EPB41L2: variants seen among roughly 807,000 people sequenced by gnomAD.
EPB41L2 encodes the protein erythrocyte membrane protein band 4.1 like 2, also known as band 4.1-like protein 2.
A neutral mutation model predicts 113.0 loss-of-function variants in EPB41L2; 43 were observed. The observed-to-expected ratio is 0.38, with a 90% confidence interval of 0.30 to 0.49. EPB41L2 has a LOEUF of 0.49. EPB41L2 is among the 20% of genes least tolerant of loss of function. EPB41L2 has a pLI of 0.95. For missense variants in EPB41L2, 1,147 were observed against 1,223.4 expected (o/e 0.94, Z 0.93); for synonymous variants, 442 against 436.7 (o/e 1.01, Z -0.15).
rs187712415 is a variant in EPB41L2 at position 131,007,043 on chromosome 6, G to C, written c.-14-50544C>G. 2.9e-3 allele frequency among the ~76,000 whole-genome samples: 445 copies of C among 152,248 alleles called. 2 individuals carry two copies. The highest frequency in any genetic ancestry group is 0.017 in the Middle Eastern group (5 of 294). On this transcript the variant is annotated intron_variant, in intron 1 of 19. Coordinates refer to ENST00000337057, the MANE Select transcript of EPB41L2 (RefSeq NM_001431.4). ...TTTACCTTGGCCTTACTTCAGATGT[G>C]CACCCAAGCAGCCAAATGAAAATAG... is the stretch of plus-strand genomic sequence containing the variant.
chr6:130,946,599 T>C (rs1445955117), intron 3 of EPB41L2, among the ~76,000 whole-genome samples: 3 of 151,780 alleles, frequency 2.0e-5, no homozygotes, highest in African/African-American at 4.8e-5. Context: ...GGAAAAACAA[T>C]GTGGAAACAG....
At position 130,894,110 on chromosome 6, in the gene EPB41L2, C is replaced by T. The variant is rs145031977; in HGVS notation, c.1487+234G>A. On this transcript the variant is annotated intron_variant, in intron 10 of 19. Transcript: ENST00000337057. Reference sequence around the variant, plus strand: ...AGAGTTCAAAGACAGTGGGTTAATGCATCTGCCACATTCCCCACCACTACC... The same window carrying T: ...AGAGTTCAAAGACAGTGGGTTAATGTATCTGCCACATTCCCCACCACTACC... Among the ~76,000 whole-genome samples the T allele has an allele frequency of 2.0e-3, 305 of 152,230 alleles. 2 individuals are homozygous for T. Among genetic ancestry groups the T allele is most frequent in the Middle Eastern group, 0.017 (5 of 294 alleles).
chr6:130,986,862 T>C (rs1780679705), intron 1 of EPB41L2, among the ~76,000 whole-genome samples: 1 of 152,208 alleles, frequency 6.6e-6, no homozygotes, highest in Non-Finnish European at 1.5e-5. Context: ...GATTTTGATC[T>C]CATTAAAGAA....
At chr6:131,046,279 A>G (rs1350312546) in intron 1 of EPB41L2, among the ~76,000 whole-genome samples, 1 of 151,986 alleles carries the variant, frequency 6.6e-6, no homozygotes, top group Non-Finnish European at 1.5e-5. Flanking sequence ...GAGATGAATG[A>G]GCAACAGACA....
At position 131,051,442 on chromosome 6, in the gene EPB41L2, AAAAGT is replaced by A. The variant is rs1361813660; in HGVS notation, c.-15+11708_-15+11712del. Among the ~76,000 whole-genome samples the A allele has an allele frequency of 3.2e-3, 454 of 143,514 alleles. 4 individuals carry two copies. The highest frequency in any genetic ancestry group is 0.011 in the African/African-American group (406 of 37,798). 94.2% of individuals were successfully genotyped at this position (143,514 alleles called of 152,430 possible). A position where few individuals can be genotyped will look rare whatever the true frequency, so the allele number is the denominator to read the frequency against. On this transcript the variant is annotated intron_variant, in intron 1 of 19. Coordinates refer to ENST00000337057, the MANE Select transcript of EPB41L2 (RefSeq NM_001431.4). ...GTTTTCTTACAAGGAACAAATTCAC[AAAAGT>A]AAAGCAAAAAAAAAAAAAACACACA...
At chr6:130,971,446 A>G (rs117005710) in intron 1 of EPB41L2, among the ~76,000 whole-genome samples, 36 of 152,206 alleles carry the variant, frequency 2.4e-4, no homozygotes, top group Non-Finnish European at 5.0e-4. Flanking sequence ...GGCCACTATC[A>G]CTATTCTTGT....
intron 1 of EPB41L2, among the ~76,000 whole-genome samples, chr6:130,992,112 A>C (rs1782013339): frequency 6.6e-6 from 1 of 152,196 alleles, no homozygotes; most frequent in South Asian, 2.1e-4. Context: ...TTCTTACACA[A>C]AAGATATATT....
At chr6:130,920,409 C>A (rs1304974313) in intron 4 of EPB41L2, among the ~76,000 whole-genome samples, 1 of 152,180 alleles carries the variant, frequency 6.6e-6, no homozygotes, top group African/African-American at 2.4e-5. Context: ...AGGTTTACAT[C>A]CTCTAGTATC....
chr6:131,051,705 AAG>A (rs1796599508), intron 1 of EPB41L2, among the ~76,000 whole-genome samples: 1 of 152,164 alleles, frequency 6.6e-6, no homozygotes, highest in Non-Finnish European at 1.5e-5. Flanking sequence ...AGGTGAGAGA[AAG>A]AGCATCCTTC....
intron 14 of EPB41L2, among the ~76,000 whole-genome samples, chr6:130,875,456 G>A (rs1047411324): frequency 5.3e-5 from 8 of 151,840 alleles, no homozygotes; most frequent in Non-Finnish European, 1.0e-4. Flanking sequence ...TCCTTCCTTC[G>A]TGCTCCCCCT....
intron 1 of EPB41L2, among the ~76,000 whole-genome samples, chr6:130,977,907 T>C (rs181360316): frequency 6.6e-6 from 1 of 152,326 alleles, no homozygotes; most frequent in East Asian, 1.9e-4. Context: ...ATTTCCATGG[T>C]CAAAAGGTTC....
At chr6:130,915,277 T>G (rs1253617123) in intron 4 of EPB41L2, among the ~76,000 whole-genome samples, 1 of 152,150 alleles carries the variant, frequency 6.6e-6, no homozygotes, top group African/African-American at 2.4e-5. Context: ...CACTCCAGCC[T>G]GGGCGACAGA....
At chr6:130,967,697 T>C (rs989423951) in intron 1 of EPB41L2, among the ~76,000 whole-genome samples, 5 of 152,202 alleles carry the variant, frequency 3.3e-5, no homozygotes, top group Non-Finnish European at 5.9e-5. Flanking sequence ...AAGCACAAGC[T>C]TGTCATCAGT....
chr6:130,969,295 T>A (rs369798793), intron 1 of EPB41L2, among the ~76,000 whole-genome samples: 1 of 152,124 alleles, frequency 6.6e-6, no homozygotes, highest in Non-Finnish European at 1.5e-5. Context: ...TTCAGTGATA[T>A]AGAGCATCCC....
intron 3 of EPB41L2, among the ~76,000 whole-genome samples, chr6:130,934,936 ATTTTTC>A (rs994728187): frequency 3.3e-5 from 5 of 151,848 alleles, no homozygotes; most frequent in Non-Finnish European, 7.4e-5. Context: ...CTTACAACAT[ATTTTTC>A]TTGTATACTA....
intron 1 of EPB41L2, among the ~76,000 whole-genome samples, chr6:131,023,846 C>G (rs1790202793): frequency 6.6e-6 from 1 of 150,566 alleles, no homozygotes; most frequent in African/African-American, 2.4e-5. Flanking sequence ...CTCTTTTTTC[C>G]CATATCAAAT....
chr6:130,892,403 CTTTTTT>C (rs60350565), intron 10 of EPB41L2, among the ~76,000 whole-genome samples: 6,426 of 92,734 alleles, frequency 0.069, 796 homozygotes, highest in East Asian at 0.44. Flanking sequence ...CAGATTATTG[CTTTTTT>C]TTTTTTTTTT....
chr6:130,916,434 A>C (rs757798551), intron 4 of EPB41L2, among the ~76,000 whole-genome samples: 15 of 152,218 alleles, frequency 9.9e-5, no homozygotes, highest in Admixed American at 1.3e-4. Flanking sequence ...TAGGGGGAAA[A>C]AAAAAGCTTA....
intron 1 of EPB41L2, among the ~76,000 whole-genome samples, chr6:131,010,704 C>A (rs1376355436): frequency 6.6e-6 from 1 of 152,148 alleles, no homozygotes; most frequent in Non-Finnish European, 1.5e-5. Context: ...TGAGCCACTG[C>A]ACCTGGCCAG....
Sources: gnomAD v4.1 joint callset for allele counts (sites outside exome capture counted in the v4.1 genomes callset) on GRCh38, gnomAD v4.1.1 for gene constraint, MANE v1.5 for transcripts, NCBI Gene and HGNC (gene_info 2026-07-23, HGNC 2026-07-21) for gene names.